DRICH1: variants seen among roughly 807,000 people sequenced by gnomAD.
The protein encoded by DRICH1 is aspartate-rich protein 1.
DRICH1 carries 38 observed loss-of-function variants against 39.5 expected under a neutral mutation model. The ratio of observed to expected loss-of-function variants is 0.96; its 90% CI spans 0.74 to 1.26. The LOEUF (loss-of-function observed/expected upper bound fraction) is 1.26, where lower values mean the gene tolerates loss of function less well. Ranked by LOEUF, DRICH1 falls within the 50% of genes most tolerant of loss-of-function variation. The probability of loss-of-function intolerance (pLI) is 0.00; values close to 1 mark genes in which losing one functional copy is unlikely to be tolerated. For synonymous variants in DRICH1, 84 were observed against 99.5 expected (o/e 0.84, Z 0.93); for missense variants, 279 against 270.4 (o/e 1.03, Z -0.22).
At chr22:23,623,667 AATTTTC>A (rs149138910) in intron 3 of DRICH1, among the ~76,000 whole-genome samples, 4,077 of 151,302 alleles carry the variant, frequency 0.027, 92 homozygotes, top group Middle Eastern at 0.054. Flanking sequence ...GACTTTAATG[AATTTTC>A]ATTTGCCTCA....
At chr22:23,596,319 G>C in the DRICH1 span, among the ~76,000 whole-genome samples, 2 of 152,258 alleles carry the variant, frequency 1.3e-5, no homozygotes, top group African/African-American at 4.8e-5. Flanking sequence ...GGAGTGCAGT[G>C]ACACGATCAC....
rs778541976 is a variant in DRICH1 at position 23,625,981 on chromosome 22, C to G, written c.276G>C (p.Lys92Asn). The change falls in exon 2 of 12, where the codon AAG (lysine) becomes AAC (asparagine). Residue 92 changes from lysine to asparagine, a missense_variant and splice_region_variant. By Grantham distance (94) the Lys-to-Asn change is moderately conservative. Transcript: ENST00000317749. ...AGAAGGCAAAGAAAGGGGGTCTTACCTTGGCATCATCATTGTCTTCCTCAC... is the reference window on the plus strand; with the variant it reads ...AGAAGGCAAAGAAAGGGGGTCTTACGTTGGCATCATCATTGTCTTCCTCAC... ...PSSEEDNDDA[K>N]ILPSPVQGSS... 1.9e-6 allele frequency: 3 copies of G among 1,609,176 alleles called. No individual in the cohort carries two copies. The Admixed American group carries it at 5.0e-5, about 27-fold the overall frequency.
At chr22:23,611,205 T>G (rs549769840) in intron 11 of DRICH1, among the ~76,000 whole-genome samples, 1 of 152,282 alleles carries the variant, frequency 6.6e-6, no homozygotes, top group Non-Finnish European at 1.5e-5. Context: ...TAGGTTAACC[T>G]TTGGCGTTAA....
the DRICH1 span, among the ~76,000 whole-genome samples, chr22:23,592,317 A>G: frequency 6.6e-6 from 1 of 152,164 alleles, no homozygotes; most frequent in Non-Finnish European, 1.5e-5. Context: ...GGGCCAGCAG[A>G]GGGATGGCAG....
chr22:23,622,098 T>G lies in DRICH1; in HGVS notation c.377A>C (p.Asp126Ala), dbSNP rs200087148. 2.3e-6 allele frequency: 2 copies of G among 867,990 alleles called. No individual in the cohort carries two copies. The highest frequency in any genetic ancestry group is 2.9e-5 in the Admixed American group (1 of 34,286). 53.8% of individuals were successfully genotyped at this position (867,990 alleles called of 1,614,324 possible). A position where few individuals can be genotyped will look rare whatever the true frequency, so the allele number is the denominator to read the frequency against. ...AAAGAAAGATTGTCTTACCTGGGCA[T>G]CATCATCATCATCATCATCACAGTC... The part of the protein sequence containing the change: ...DDDCDDDDDD[D>A]AQILPSRVQG... The change falls in exon 4 of 12, where the codon GAT becomes GCT. Residue 126 changes from aspartate to alanine, a missense_variant. Asp to Ala is a moderately radical substitution (Grantham distance 126). Coordinates refer to ENST00000317749, the MANE Select transcript of DRICH1 (RefSeq NM_016449.4).
chr22:23,589,624 T>G, the DRICH1 span, among the ~76,000 whole-genome samples: 1 of 152,126 alleles, frequency 6.6e-6, no homozygotes, highest in Non-Finnish European at 1.5e-5. Flanking sequence ...GAGAAAGTGT[T>G]ACTAGTGTTA....
At chr22:23,582,572 T>TATTA in the DRICH1 span, among the ~76,000 whole-genome samples, 11 of 148,796 alleles carry the variant, frequency 7.4e-5, no homozygotes, top group South Asian at 2.1e-4. Context: ...TTATTATTAT[T>TATTA]ATTATTATTT....
At chr22:23,631,741 G>A (rs1447469277) in intron 1 of DRICH1, 75 bp downstream of exon 1, 2 of 1,199,532 alleles carry the variant, frequency 1.7e-6, no homozygotes, top group Admixed American at 1.9e-5. Context: ...ATGTCTCTGG[G>A]GATGAGGGTA....
downstream of DRICH1, among the ~76,000 whole-genome samples, chr22:23,607,948 A>T (rs1321381294): frequency 6.6e-6 from 1 of 152,212 alleles, no homozygotes. Flanking sequence ...TACCTGGCCC[A>T]AAAGACTGCT....
Position 23,628,893 on chromosome 22 carries a change from T to C in DRICH1, c.209-2845A>G, listed in dbSNP as rs1928232263. On this transcript the variant is annotated intron_variant, in intron 1 of 11. Transcript: ENST00000317749. ...ACAAGAGAAAGCAATGAAACTCCAT[T>C]CTTGAGGCATTTAGGATGATGTCCA... Among the ~76,000 whole-genome samples the C allele has an allele frequency of 3.3e-5, 5 of 152,142 alleles. No individual in the cohort carries two copies. The South Asian group carries it at 1.0e-3, about 32-fold the overall frequency.
intron 3 of DRICH1, chr22:23,623,969 C>T (rs1362181244): frequency 6.7e-6 from 4 of 599,670 alleles, no homozygotes; most frequent in Non-Finnish European, 1.9e-6. Flanking sequence ...CAAGGTTGTG[C>T]TTCTCTCTCA....
At chr22:23,619,499 T>A in intron 5 of DRICH1, 106 bp from the exon 6 acceptor site, 1 of 730,620 alleles carries the variant, frequency 1.4e-6, no homozygotes. Context: ...TGCACATTCA[T>A]GAGATTGAAA....
intron 11 of DRICH1, among the ~76,000 whole-genome samples, chr22:23,609,074 G>A (rs1926890033): frequency 6.6e-6 from 1 of 152,178 alleles, no homozygotes. Flanking sequence ...GCTGTCGGGA[G>A]AGGTATGGGA....
At chr22:23,594,869 C>T in the DRICH1 span, among the ~76,000 whole-genome samples, 1 of 151,840 alleles carries the variant, frequency 6.6e-6, no homozygotes, top group Non-Finnish European at 1.5e-5. Context: ...CCCAATCACA[C>T]AGACATTGCA....
chr22:23,632,129 A>C lies in DRICH1; in HGVS notation c.-106T>G. On this transcript the variant is annotated 5_prime_UTR_variant, in exon 1 of 12. Transcript: ENST00000317749. ...AGGGTGGCCCTGCACTTTTAGAAGC[A>C]GCCTGACCCCAGGCAGATCTGGGTC... is the stretch of plus-strand genomic sequence containing the variant. 1 of 1,526,996 alleles carries C rather than the reference A, an allele frequency of 6.5e-7. No homozygotes were observed. The highest frequency in any genetic ancestry group is 2.4e-5 in the East Asian group (1 of 41,702). The allele number at this position is 1,526,996 out of a possible 1,614,324, so 94.6% of individuals were successfully genotyped here.
chr22:23,629,610 TTTTA>T (rs887159161), intron 1 of DRICH1, among the ~76,000 whole-genome samples: 73 of 152,102 alleles, frequency 4.8e-4, no homozygotes, highest in African/African-American at 1.6e-3. Flanking sequence ...CAGCATTTCT[TTTTA>T]TTTATTTCTT....
intron 3 of DRICH1, among the ~76,000 whole-genome samples, chr22:23,623,393 G>C (rs1331359739): frequency 3.3e-5 from 5 of 151,990 alleles, no homozygotes; most frequent in African/African-American, 1.2e-4. Context: ...GACAGAGTGA[G>C]ACTCCATCTC....
intron 2 of DRICH1, 55 bp from the exon 3 acceptor site, chr22:23,624,959 C>CTTG: frequency 6.3e-7 from 1 of 1,580,738 alleles, no homozygotes; most frequent in African/African-American, 1.3e-5. Flanking sequence ...TGCTGCACCC[C>CTTG]CTACACAGAT....
In DRICH1 at chr22:23,608,550, C is replaced by T; in HGVS notation, c.*214G>A. On this transcript the variant is annotated 3_prime_UTR_variant, in exon 12 of 12. Transcript: ENST00000317749. Reference sequence around the variant, plus strand: ...CACTCTCTTGCCAAAGGAGAAATGCCAGGCCCAGAAGCACTGGGTCCTGGA... The same window carrying T: ...CACTCTCTTGCCAAAGGAGAAATGCTAGGCCCAGAAGCACTGGGTCCTGGA... The T allele has an allele frequency of 1.9e-6, 1 of 538,694 alleles. No homozygotes were observed. The highest frequency in any genetic ancestry group is 3.3e-6 in the Non-Finnish European group (1 of 299,398). 33.4% of individuals were successfully genotyped at this position (538,694 alleles called of 1,614,324 possible).
Sources: allele counts gnomAD v4.1 joint callset (sites outside exome capture counted in the v4.1 genomes callset), GRCh38; gene constraint gnomAD v4.1.1; transcripts MANE v1.5; gene names NCBI Gene and HGNC (gene_info 2026-07-23, HGNC 2026-07-21).